Variants in URI1 observed in about 807,000 individuals in gnomAD.
The protein encoded by URI1 is unconventional prefoldin RPB5 interactor 1.
In URI1, 39 loss-of-function variants were observed where a neutral mutation model predicts 60.2. The ratio of observed to expected loss-of-function variants is 0.65; its 90% CI spans 0.50 to 0.85. The LOEUF is 0.85. Ranked by LOEUF, URI1 falls within the 40% of genes least tolerant of loss-of-function variation. URI1 has a pLI of 0.00. For missense variants in URI1, 691 were observed against 665.9 expected (o/e 1.04, Z -0.42); for synonymous variants, 251 against 236.8 (o/e 1.06, Z -0.55).
chr19:30,002,802 T>G (rs150043770), intron 4 of URI1, among the ~76,000 whole-genome samples: 1,570 of 152,084 alleles, frequency 0.01, 36 homozygotes, highest in African/African-American at 0.036. Context: ...AACTAAAATG[T>G]TTGAGATTAA....
chr19:30,015,436 C>A lies in URI1; in HGVS notation c.*367C>A. The A allele has an allele frequency of 6.7e-7, 1 of 1,500,456 alleles. No individual in the cohort carries two copies. The highest frequency in any genetic ancestry group is 8.8e-7 in the Non-Finnish European group (1 of 1,133,662). 92.9% of individuals were successfully genotyped at this position (1,500,456 alleles called of 1,614,324 possible). On this transcript the variant is annotated 3_prime_UTR_variant, in exon 11 of 11. Transcript: ENST00000392271. ...TGTGATATTGTGCATACCATATGGA[C>A]CATTTTAAAGAAAATTTTAAAATTT...
Position 30,015,249 on chromosome 19 carries a change from T to G in URI1, c.*180T>G. 1 of 1,415,594 alleles carries G rather than the reference T, an allele frequency of 7.1e-7. No homozygotes were observed. Among genetic ancestry groups the G allele is most frequent in the Non-Finnish European group, 9.2e-7 (1 of 1,089,602 alleles). The allele number at this position is 1,415,594 out of a possible 1,614,324, so 87.7% of individuals were successfully genotyped here. On this transcript the variant is annotated 3_prime_UTR_variant, in exon 11 of 11. Transcript: ENST00000392271. ...AAATCAAGGTAACTGTCTGAATACT[T>G]TAATATCAGCTTGTTTTGTGAATTC...
intron 1 of URI1, chr19:29,956,859 C>A: frequency 6.5e-7 from 1 of 1,539,704 alleles, no homozygotes; most frequent in South Asian, 1.1e-5. Context: ...AGTCTGAGTT[C>A]TACGTTGATG....
chr19:29,949,718 G>T (rs2055154650), intron 1 of URI1, among the ~76,000 whole-genome samples: 2 of 152,200 alleles, frequency 1.3e-5, no homozygotes, highest in Admixed American at 1.3e-4. Context: ...GACCAGCCCG[G>T]CCAACACAGC....
intron 1 of URI1, among the ~76,000 whole-genome samples, chr19:29,952,274 T>G (rs576613451): frequency 6.6e-6 from 1 of 152,354 alleles, no homozygotes; most frequent in East Asian, 1.9e-4. Flanking sequence ...GCACAAAGAT[T>G]ATAAGAGATT....
rs541840329 is a variant in URI1 at position 30,015,234 on chromosome 19, A to G, written c.*165A>G. ...CGTGGTATTTGAAAAAAATCAAGGTAACTGTCTGAATACTTTAATATCAGC... is the reference window on the plus strand; with the variant it reads ...CGTGGTATTTGAAAAAAATCAAGGTGACTGTCTGAATACTTTAATATCAGC... On this transcript the variant is annotated 3_prime_UTR_variant, in exon 11 of 11. Transcript: ENST00000392271. 1.7e-4 allele frequency: 240 copies of G among 1,419,988 alleles called. No individual in the cohort carries two copies. The highest frequency in any genetic ancestry group is 2.1e-4 in the Non-Finnish European group (232 of 1,091,162). 88.0% of individuals were successfully genotyped at this position (1,419,988 alleles called of 1,614,324 possible). A position where few individuals can be genotyped will look rare whatever the true frequency, so the allele number is the denominator to read the frequency against.
In URI1 at chr19:29,949,847, C is replaced by T. The variant is rs181399781; in HGVS notation, c.117+7183C>T. Among the ~76,000 whole-genome samples the T allele has an allele frequency of 8.3e-3, 1,253 of 151,348 alleles. 7 individuals carry two copies. Among genetic ancestry groups the T allele is most frequent in the Non-Finnish European group, 0.011 (766 of 67,964 alleles). ...ATCAGGCAGGGAGGTTGCAGTGAGC[C>T]GAGATGGCGGCAGTACAGTCCAGCT... On this transcript the variant is annotated intron_variant, in intron 1 of 10. Transcript: ENST00000392271.
chr19:29,934,344 A>G (rs2054949820), intron 1 of URI1, among the ~76,000 whole-genome samples: 1 of 152,184 alleles, frequency 6.6e-6, no homozygotes, highest in East Asian at 1.9e-4. Flanking sequence ...CCATGATAAC[A>G]CTTTATCACG....
intron 7 of URI1, 88 bp from the exon 8 acceptor site, chr19:30,008,917 G>C: frequency 9.8e-7 from 1 of 1,021,758 alleles, no homozygotes; most frequent in Non-Finnish European, 1.4e-6. Flanking sequence ...CAAGATCTTA[G>C]TATTTACCCA....
rs548133585 is a variant in URI1 at position 29,966,617 on chromosome 19, A to G, written c.118-4576A>G. ...ACTATTTGTATACTTTGGTAATGAT[A>G]TTTATACATCTACTTGACAAATCTA... On this transcript the variant is annotated intron_variant, in intron 1 of 10. Coordinates refer to ENST00000392271, the MANE Select transcript of URI1 (RefSeq NM_003796.3). Among the ~76,000 whole-genome samples the G allele has an allele frequency of 2.0e-4, 31 of 152,294 alleles. 1 individual carries two copies. In the South Asian group the frequency reaches 5.8e-3, roughly 29 times the overall value.
In URI1 at chr19:30,014,887, G is replaced by A. The variant is rs986967061; in HGVS notation, c.1426G>A (p.Ala476Thr). 2 of 1,608,208 alleles carry A rather than the reference G, an allele frequency of 1.2e-6. No homozygotes were observed. The highest frequency in any genetic ancestry group is 2.7e-5 in the African/African-American group (2 of 74,604). Residue 476 changes from alanine (A) to threonine (T), a missense_variant and splice_region_variant, in exon 11 of 11, where the codon GCT (alanine) becomes ACT (threonine). Physicochemically the swap from Ala to Thr is moderately conservative, Grantham distance 58 (BLOSUM62 0). Transcript: ENST00000392271. Reference sequence around the variant, plus strand: ...CCATAACCTGACTTTTGTTTTCTAGGCTTTTTCTGGAACTGTTATAGAAAA... The same window carrying A: ...CCATAACCTGACTTTTGTTTTCTAGACTTTTTCTGGAACTGTTATAGAAAA... ...KLLPLSVTPE[A>T]FSGTVIEKEF...
At chr19:30,011,428 A>AT (rs113291705) in intron 9 of URI1, among the ~76,000 whole-genome samples, 192 bp downstream of exon 9, 416 of 141,584 alleles carry the variant, frequency 2.9e-3, no homozygotes, top group East Asian at 0.015. Context: ...GGAATGGAGG[A>AT]TTTTTTTTTT....
chr19:30,015,134 T>C lies in URI1; in HGVS notation c.*65T>C, dbSNP rs1375482870. 5 of 1,550,230 alleles carry C rather than the reference T, an allele frequency of 3.2e-6. No homozygotes were observed. Among genetic ancestry groups the C allele is most frequent in the Non-Finnish European group, 4.3e-6 (5 of 1,151,934 alleles). ...GTTGTTCATTTGTTTAGAGTATCTA[T>C]AGCAAAATAGGTTACATGTAGTTTG... On this transcript the variant is annotated 3_prime_UTR_variant, in exon 11 of 11. Transcript: ENST00000392271.
chr19:30,015,318 G>T lies in URI1; in HGVS notation c.*249G>T. 1 of 1,413,758 alleles carries T rather than the reference G, an allele frequency of 7.1e-7. No individual in the cohort carries two copies. Among genetic ancestry groups the T allele is most frequent in the South Asian group, 1.7e-5 (1 of 59,938 alleles). 87.6% of individuals were successfully genotyped at this position (1,413,758 alleles called of 1,614,324 possible). A position where few individuals can be genotyped will look rare whatever the true frequency, so the allele number is the denominator to read the frequency against. The stretch of plus-strand genomic sequence containing the variant: ...TCTTATCTAAGTTTGCCTTTATGAT[G>T]CAGTGGCAGCATTTTGAATTACTTT... On this transcript the variant is annotated 3_prime_UTR_variant, in exon 11 of 11. Transcript: ENST00000392271.
At chr19:29,928,768 G>T (rs1054120403) in intron 1 of URI1, among the ~76,000 whole-genome samples, 7 of 152,150 alleles carry the variant, frequency 4.6e-5, no homozygotes, top group African/African-American at 1.7e-4. Flanking sequence ...TATACTAAAA[G>T]ATTACTTGTT....
Position 30,007,541 on chromosome 19 carries a change from A to G in URI1, c.589A>G (p.Asn197Asp), listed in dbSNP as rs748622260. ...AGATATTTTTGAAGCAGATATTGCA[A>G]ATGATGTGAAATCCAAGGATTTGCT... ...TSDIFEADIA[N>D]DVKSKDLLAD... Residue 197 changes from asparagine (N) to aspartate (D), a missense_variant, in exon 7 of 11, where the codon AAT becomes GAT. Asn to Asp is a conservative substitution (Grantham distance 23). Transcript: ENST00000392271. The G allele has an allele frequency of 6.2e-7, 1 of 1,613,574 alleles. No individual in the cohort carries two copies. Among genetic ancestry groups the G allele is most frequent in the South Asian group, 1.1e-5 (1 of 91,068 alleles).
At chr19:29,930,844 A>G (rs334994) in intron 1 of URI1, among the ~76,000 whole-genome samples, 142,275 of 150,810 alleles carry the variant, frequency 0.94, 67,171 homozygotes, top group East Asian at 1. Context: ...AATACTACTA[A>G]CTGCCACCAT....
chr19:29,931,495 C>T (rs1340853056), intron 1 of URI1, among the ~76,000 whole-genome samples: 1 of 152,122 alleles, frequency 6.6e-6, no homozygotes, highest in African/African-American at 2.4e-5. Flanking sequence ...AAGGCCCCAC[C>T]TTCATTTAAC....
chr19:29,975,729 C>T (rs1321252594), intron 2 of URI1, among the ~76,000 whole-genome samples: 1 of 152,186 alleles, frequency 6.6e-6, no homozygotes, highest in Non-Finnish European at 1.5e-5. Flanking sequence ...TGGTCTCGAA[C>T]TCCTGAGCTC....
Sources: allele counts gnomAD v4.1 joint callset (sites outside exome capture counted in the v4.1 genomes callset), GRCh38; gene constraint gnomAD v4.1.1; transcripts MANE v1.5; gene names NCBI Gene and HGNC (gene_info 2026-07-23, HGNC 2026-07-21).